Variants in BOLA3 observed in about 807,000 individuals in gnomAD.
The protein encoded by BOLA3 is bolA-like protein 3.
BOLA3 carries 8 observed loss-of-function variants against 14.5 expected under a neutral mutation model. The ratio of observed to expected loss-of-function variants is 0.55; its 90% CI spans 0.32 to 0.99. The LOEUF (loss-of-function observed/expected upper bound fraction) is 0.99, where lower values mean the gene tolerates loss of function less well. Among genes scored for constraint, BOLA3 ranks in the 50% least tolerant of loss-of-function variants. The pLI, the probability that BOLA3 is intolerant of heterozygous loss-of-function variation, is 0.04. For missense variants in BOLA3, 115 were observed against 138.2 expected, an observed-to-expected ratio of 0.83 and a Z score of 0.84; for synonymous variants, 42 against 45.7, an observed-to-expected ratio of 0.92 and a Z score of 0.33.
Position 74,142,253 on chromosome 2 carries a change from C to G in BOLA3, c.258+19G>C, listed in dbSNP as rs779625400. 1 of 1,580,868 alleles carries G rather than the reference C, an allele frequency of 6.3e-7. No individual in the cohort carries two copies. The highest frequency in any genetic ancestry group is 1.1e-5 in the South Asian group (1 of 90,356). On this transcript the variant is annotated intron_variant, in intron 3 of 3. Coordinates refer to ENST00000327428, the MANE Select transcript of BOLA3 (RefSeq NM_212552.3). ...GAGGCTGAAGGCCAGTGGCAAGGGGCACTGTTGCCTCTACTGACCTGATTA... is the reference window on the plus strand; with the variant it reads ...GAGGCTGAAGGCCAGTGGCAAGGGGGACTGTTGCCTCTACTGACCTGATTA...
chr2:74,140,689 G>A (rs373699804), intron 3 of BOLA3, among the ~76,000 whole-genome samples: 1 of 152,182 alleles, frequency 6.6e-6, no homozygotes, highest in Non-Finnish European at 1.5e-5. Flanking sequence ...ACTGGTGCAG[G>A]TTCCTTCCAG....
At chr2:74,145,490 G>GAATAAAC (rs1692526866) in intron 1 of BOLA3, 187 bp from the exon 2 acceptor site, 1 of 618,796 alleles carries the variant, frequency 1.6e-6, no homozygotes, top group Non-Finnish European at 2.9e-6. Context: ...CCAAAACACA[G>GAATAAAC]AATAAACTTT....
chr2:74,143,680 C>A (rs114455114), intron 2 of BOLA3, among the ~76,000 whole-genome samples: 2,980 of 151,894 alleles, frequency 0.02, 91 homozygotes, highest in African/African-American at 0.068. Flanking sequence ...ATGTACCATT[C>A]CAGCAGATTT....
chr2:74,145,165 T>C (rs1271177233), intron 2 of BOLA3, 24 bp downstream of exon 2: 1 of 1,318,828 alleles, frequency 7.6e-7, no homozygotes, highest in East Asian at 2.3e-5. Flanking sequence ...CCAAGCGCCG[T>C]AGGAAGAGTG....
chr2:74,138,080 C>T (rs901742118), intron 3 of BOLA3, among the ~76,000 whole-genome samples: 2 of 152,342 alleles, frequency 1.3e-5, no homozygotes, highest in East Asian at 3.9e-4. Context: ...CTTCTCCCTG[C>T]TCTCTGTGCA....
intron 1 of BOLA3, 175 bp from the exon 2 acceptor site, chr2:74,145,478 C>T: frequency 1.6e-6 from 1 of 633,218 alleles, no homozygotes; most frequent in Non-Finnish European, 2.8e-6. Flanking sequence ...CATGTAAGTG[C>T]CCCAAAACAC....
chr2:74,136,813 C>T (rs1443124478), intron 3 of BOLA3, among the ~76,000 whole-genome samples: 2 of 152,110 alleles, frequency 1.3e-5, no homozygotes, highest in Non-Finnish European at 2.9e-5. Context: ...CACAAATTCC[C>T]CAATGGTCAG....
intron 3 of BOLA3, among the ~76,000 whole-genome samples, chr2:74,136,488 T>A (rs1692332689): frequency 6.6e-6 from 1 of 152,136 alleles, no homozygotes. Context: ...TCATCAGCTA[T>A]CATTAGTGTT....
intron 3 of BOLA3, among the ~76,000 whole-genome samples, chr2:74,141,222 A>C (rs1036033740): frequency 1.3e-5 from 2 of 152,234 alleles, no homozygotes; most frequent in Admixed American, 6.5e-5. Context: ...TGTAGGGGTC[A>C]CATCCACTGC....
At chr2:74,144,232 C>T (rs1330227319) in intron 2 of BOLA3, among the ~76,000 whole-genome samples, 1 of 151,868 alleles carries the variant, frequency 6.6e-6, no homozygotes, top group Non-Finnish European at 1.5e-5. Flanking sequence ...TGGTCTTGAA[C>T]TCCTGACCTC....
In BOLA3 at chr2:74,147,819, A is replaced by G; in HGVS notation, c.54+2T>C. ...AGCAGCCCCGACCCTGCCCACGCTC[A>G]CCCCGCGGATCCCGCGGAGGAGAGG... On this transcript the variant is annotated splice_donor_variant, in intron 1 of 3. Coordinates refer to ENST00000327428, the MANE Select transcript of BOLA3 (RefSeq NM_212552.3). LOFTEE classifies it high-confidence loss of function. 6.5e-7 allele frequency: 1 copy of G among 1,528,142 alleles called. No homozygotes were observed. The highest frequency in any genetic ancestry group is 1.4e-5 in the African/African-American group (1 of 72,158). 94.7% of individuals were successfully genotyped at this position (1,528,142 alleles called of 1,614,324 possible). A position where few individuals can be genotyped will look rare whatever the true frequency, so the allele number is the denominator to read the frequency against.
In BOLA3 at chr2:74,140,525, C is replaced by T. The variant is rs577582180; in HGVS notation, c.258+1747G>A. ...CCCCGTCCTGCAGTAAGCCTGCTTT[C>T]GAGGGGGAATGAAAGACAAGTGACT... On this transcript the variant is annotated intron_variant, in intron 3 of 3. Transcript: ENST00000327428. 7.2e-5 allele frequency among the ~76,000 whole-genome samples: 11 copies of T among 152,184 alleles called. No individual in the cohort carries two copies. In the South Asian group the frequency reaches 2.3e-3, roughly 32 times the overall value.
At chr2:74,136,043 G>A (rs959891530) in intron 3 of BOLA3, among the ~76,000 whole-genome samples, 3 of 151,424 alleles carry the variant, frequency 2.0e-5, no homozygotes, top group African/African-American at 7.3e-5. Context: ...TCCACCTCCT[G>A]GGCTCAAACA....
chr2:74,141,579 C>T (rs1423085360), intron 3 of BOLA3, among the ~76,000 whole-genome samples: 1 of 152,058 alleles, frequency 6.6e-6, no homozygotes, highest in East Asian at 1.9e-4. Flanking sequence ...AATGCGTGAA[C>T]AGCAGTCTAG....
chr2:74,139,169 G>T (rs115089012), intron 3 of BOLA3, among the ~76,000 whole-genome samples: 4 of 152,158 alleles, frequency 2.6e-5, no homozygotes, highest in Non-Finnish European at 4.4e-5. Flanking sequence ...AGGGAATCCC[G>T]CAGGGACAGT....
In BOLA3 at chr2:74,142,354, C is replaced by T. The variant is rs772014561; in HGVS notation, c.176G>A (p.Cys59Tyr). Residue 59 changes from cysteine (C) to tyrosine (Y), a missense_variant, in exon 3 of 4, where the codon TGT becomes TAT. Coordinates refer to ENST00000327428, the MANE Select transcript of BOLA3 (RefSeq NM_212552.3). The stretch of plus-strand genomic sequence containing the variant: ...AATTTTAATTTCATACATCGCCCCA[C>T]AACCTCCTAAAATAAACATGATTCA... The part of the protein sequence containing the change: ...AIKVTDISGG[C>Y]GAMYEIKIES... The T allele has an allele frequency of 3.0e-5, 49 of 1,611,298 alleles. No individual in the cohort carries two copies. The highest frequency in any genetic ancestry group is 4.0e-5 in the Non-Finnish European group (47 of 1,177,758).
chr2:74,146,792 A>C (rs946873444), intron 1 of BOLA3: 1 of 152,430 alleles, frequency 6.6e-6, no homozygotes, highest in African/African-American at 2.4e-5. Context: ...TAGGCCAGGA[A>C]TGAGTCCGGC....
chr2:74,145,044 A>C, intron 2 of BOLA3, 145 bp downstream of exon 2: 2 of 679,398 alleles, frequency 2.9e-6, no homozygotes, highest in South Asian at 3.0e-5. Flanking sequence ...AGGTGGGGGC[A>C]GCCGAGCTCC....
chr2:74,139,066 C>T lies in BOLA3; in HGVS notation c.258+3206G>A, dbSNP rs529643860. On this transcript the variant is annotated intron_variant, in intron 3 of 3. Transcript: ENST00000327428. ...TAAGTATTTCCCAAGAGAAGGCTGA[C>T]GCACTGGGCCCTGGGAGAGGCTGAG... Among the ~76,000 whole-genome samples the T allele has an allele frequency of 9.8e-5, 15 of 152,298 alleles. No individual in the cohort carries two copies. The East Asian group carries it at 1.2e-3, about 12-fold the overall frequency.
Sources: gnomAD v4.1 joint callset for allele counts (sites outside exome capture counted in the v4.1 genomes callset) on GRCh38, gnomAD v4.1.1 for gene constraint, MANE v1.5 for transcripts, NCBI Gene and HGNC (gene_info 2026-07-23, HGNC 2026-07-21) for gene names.